ACVR2A: variants seen among roughly 807,000 people sequenced by gnomAD.
ACVR2A encodes activin A receptor type 2A, also known as activin receptor type-2A.
A neutral mutation model predicts 61.4 loss-of-function variants in ACVR2A; 7 were observed. The ratio of observed to expected loss-of-function variants is 0.11; its 90% CI spans 0.06 to 0.21. The LOEUF is 0.21. ACVR2A is among the 10% of genes least tolerant of loss of function. ACVR2A has a pLI of 1.00. For synonymous variants in ACVR2A, 193 were observed against 208.3 expected, an observed-to-expected ratio of 0.93 and a Z score of 0.63; for missense variants, 322 against 621.7, an observed-to-expected ratio of 0.52 and a Z score of 5.13.
intron 6 of ACVR2A, 97 bp from the exon 7 acceptor site, chr2:147,918,350 G>A: frequency 9.6e-7 from 1 of 1,037,512 alleles, no homozygotes; most frequent in Non-Finnish European, 1.3e-6. Flanking sequence ...TTCCCTGAAA[G>A]GGAAACTCAC....
intron 6 of ACVR2A, among the ~76,000 whole-genome samples, chr2:147,917,806 CAG>C (rs1456733650): frequency 6.6e-6 from 1 of 151,768 alleles, no homozygotes; most frequent in African/African-American, 2.4e-5. Context: ...GTGACAAAAC[CAG>C]AGTCAGGAAA....
chr2:147,905,475 T>C (rs918896376), intron 4 of ACVR2A, among the ~76,000 whole-genome samples: 3 of 152,048 alleles, frequency 2.0e-5, no homozygotes. Flanking sequence ...AGAACTCACA[T>C]CTCACAAATA....
At chr2:147,878,022 G>A (rs746805184) in intron 1 of ACVR2A, among the ~76,000 whole-genome samples, 17 of 152,140 alleles carry the variant, frequency 1.1e-4, no homozygotes, top group Non-Finnish European at 2.1e-4. Context: ...GTTGCCTGTA[G>A]TATGTGATTT....
At chr2:147,889,293 A>G (rs1345408949) in intron 1 of ACVR2A, among the ~76,000 whole-genome samples, 1 of 152,132 alleles carries the variant, frequency 6.6e-6, no homozygotes, top group Non-Finnish European at 1.5e-5. Flanking sequence ...TGTTTTTGAT[A>G]TCGAGATGAT....
At chr2:147,878,591 G>A (rs1268340069) in intron 1 of ACVR2A, among the ~76,000 whole-genome samples, 1 of 152,068 alleles carries the variant, frequency 6.6e-6, no homozygotes, top group Non-Finnish European at 1.5e-5. Context: ...CAGTGACTTA[G>A]GGATTTTTAG....
intron 2 of ACVR2A, among the ~76,000 whole-genome samples, chr2:147,898,966 A>G (rs1239806724): frequency 6.6e-6 from 1 of 152,150 alleles, no homozygotes; most frequent in Non-Finnish European, 1.5e-5. Flanking sequence ...TGTTTCACCC[A>G]TGAGATACGA....
chr2:147,916,221 G>A (rs1371392595), intron 5 of ACVR2A, among the ~76,000 whole-genome samples: 1 of 151,518 alleles, frequency 6.6e-6, no homozygotes, highest in Admixed American at 6.6e-5. Context: ...TTTGGTAGCT[G>A]TAAACCACAG....
rs1176164038 is a variant in ACVR2A, at chr2:147,928,028, G to A, written c.*754G>A. The A allele has an allele frequency of 6.6e-6, 1 of 152,316 alleles. No homozygotes were observed. Among genetic ancestry groups the A allele is most frequent in the Non-Finnish European group, 1.5e-5 (1 of 67,916 alleles). The allele number at this position is 152,316 out of a possible 1,614,324, so 9.4% of individuals were successfully genotyped here. A position where few individuals can be genotyped will look rare whatever the true frequency, so the allele number is the denominator to read the frequency against. On this transcript the variant is annotated 3_prime_UTR_variant, in exon 11 of 11. Transcript: ENST00000241416. ...TGGCCATTCGTAAAGCAGTGTTTTA[G>A]CATTTCTTGTGCTGGCTTGTAATGT...
At chr2:147,924,737 A>G (rs1055741176) in intron 9 of ACVR2A, among the ~76,000 whole-genome samples, 1 of 151,934 alleles carries the variant, frequency 6.6e-6, no homozygotes, top group African/African-American at 2.4e-5. Context: ...GTAATTCTCA[A>G]ACTTTAATGT....
chr2:147,914,183 G>A (rs576237844), intron 4 of ACVR2A, among the ~76,000 whole-genome samples: 24 of 152,018 alleles, frequency 1.6e-4, no homozygotes, highest in Admixed American at 3.3e-4. Context: ...GCCACCCAGT[G>A]TCATCATATC....
chr2:147,926,267 G>T, intron 10 of ACVR2A, 106 bp downstream of exon 10: 1 of 1,393,206 alleles, frequency 7.2e-7, no homozygotes, highest in Non-Finnish European at 9.8e-7. Context: ...TTTTCTGGAA[G>T]GTGATCTTCA....
rs1687402715 is a variant in ACVR2A at position 147,922,353 on chromosome 2, G to A, written c.1078-620G>A. 1.3e-5 allele frequency among the ~76,000 whole-genome samples: 2 copies of A among 152,030 alleles called. 1 individual carries two copies. The highest frequency in any genetic ancestry group is 4.2e-4 in the South Asian group (2 of 4,818). ...AGTTCGAATACATCGCAAGTATGTT[G>A]TGATGTACCCAGCTATCTCACAAAT... On this transcript the variant is annotated intron_variant, in intron 8 of 10. Transcript: ENST00000241416.
At chr2:147,884,669 T>C (rs960919434) in intron 1 of ACVR2A, among the ~76,000 whole-genome samples, 6 of 152,152 alleles carry the variant, frequency 3.9e-5, no homozygotes, top group African/African-American at 1.4e-4. Context: ...TTTTAGTTTC[T>C]TATGCTTAGG....
At chr2:147,908,957 G>A (rs1236114647) in intron 4 of ACVR2A, among the ~76,000 whole-genome samples, 2 of 151,984 alleles carry the variant, frequency 1.3e-5, no homozygotes, top group African/African-American at 4.8e-5. Context: ...TCTATTTTCT[G>A]GAAAGATTTT....
intron 1 of ACVR2A, among the ~76,000 whole-genome samples, chr2:147,876,660 C>T (rs1686163842): frequency 6.6e-6 from 1 of 152,104 alleles, no homozygotes; most frequent in Non-Finnish European, 1.5e-5. Context: ...GCTTTCATTG[C>T]AGTTGTTTCC....
At chr2:147,885,398 A>AGAT (rs1686405663) in intron 1 of ACVR2A, among the ~76,000 whole-genome samples, 1 of 152,140 alleles carries the variant, frequency 6.6e-6, no homozygotes. Context: ...CTGAGGGAAT[A>AGAT]GATAAAAGGG....
chr2:147,910,984 T>C (rs556248561), intron 4 of ACVR2A, among the ~76,000 whole-genome samples: 1 of 152,288 alleles, frequency 6.6e-6, no homozygotes, highest in African/African-American at 2.4e-5. Context: ...ATTATGATTC[T>C]GTCTTCCATG....
At chr2:147,880,216 A>T (rs1202724871) in intron 1 of ACVR2A, among the ~76,000 whole-genome samples, 1 of 152,050 alleles carries the variant, frequency 6.6e-6, no homozygotes, top group Non-Finnish European at 1.5e-5. Context: ...ATTTTAAAAA[A>T]AATTTTTTAT....
At chr2:147,859,506 A>C (rs1685672888) in intron 1 of ACVR2A, among the ~76,000 whole-genome samples, 1 of 152,042 alleles carries the variant, frequency 6.6e-6, no homozygotes, top group South Asian at 2.1e-4. Context: ...AAAAAAAAGA[A>C]AATAGAAAAT....
Sources: gnomAD v4.1 joint callset for allele counts (sites outside exome capture counted in the v4.1 genomes callset) on GRCh38, gnomAD v4.1.1 for gene constraint, MANE v1.5 for transcripts, NCBI Gene and HGNC (gene_info 2026-07-23, HGNC 2026-07-21) for gene names.